Variants in DLG2 observed in about 807,000 individuals in gnomAD.
DLG2 encodes discs large MAGUK scaffold protein 2.
A neutral mutation model predicts 132.5 loss-of-function variants in DLG2; 45 were observed. The observed-to-expected ratio is 0.34, with a 90% CI of 0.27 to 0.44. The LOEUF is 0.44. Ranked by LOEUF, DLG2 falls within the 20% of genes least tolerant of loss-of-function variation. DLG2 has a pLI of 1.00. For missense variants in DLG2, 1,045 were observed against 1,196.9 expected (o/e 0.87, Z 1.87); for synonymous variants, 424 against 419.6 (o/e 1.01, Z -0.13).
chr11:84,980,417 A>G (rs1292744182), intron 6 of DLG2, among the ~76,000 whole-genome samples: 1 of 152,142 alleles, frequency 6.6e-6, no homozygotes, highest in South Asian at 2.1e-4. Context: ...GAAGCTTAAA[A>G]CATTGGAACA....
intron 21 of DLG2, among the ~76,000 whole-genome samples, chr11:83,529,886 T>G (rs1050487216): frequency 6.6e-6 from 1 of 152,050 alleles, no homozygotes; most frequent in African/African-American, 2.4e-5. Context: ...TACCTAATGG[T>G]GTTTAACATG....
At chr11:85,601,396 A>C (rs1489750207) in intron 2 of DLG2, among the ~76,000 whole-genome samples, 1 of 151,626 alleles carries the variant, frequency 6.6e-6, no homozygotes. Context: ...GCTGGAGTGC[A>C]GTGGCGTGAT....
intron 21 of DLG2, among the ~76,000 whole-genome samples, chr11:83,486,679 C>A (rs12294291): frequency 0.51 from 77,410 of 151,926 alleles, 20,120 homozygotes; most frequent in Middle Eastern, 0.57. Flanking sequence ...AAAATACACA[C>A]TAATACTTTA....
intron 3 of DLG2, among the ~76,000 whole-genome samples, chr11:85,579,882 A>G (rs1374255729): frequency 1.3e-5 from 2 of 152,110 alleles, no homozygotes; most frequent in East Asian, 3.9e-4. Context: ...TTTGCTGTGA[A>G]GGGGTTCACA....
chr11:85,302,430 T>C (rs2079644780), intron 3 of DLG2, among the ~76,000 whole-genome samples: 1 of 152,148 alleles, frequency 6.6e-6, no homozygotes, highest in African/African-American at 2.4e-5. Flanking sequence ...CCATCATCTT[T>C]TAGGAAGTGT....
chr11:84,684,492 G>A (rs2099736326), intron 6 of DLG2, among the ~76,000 whole-genome samples: 1 of 152,076 alleles, frequency 6.6e-6, no homozygotes, highest in Non-Finnish European at 1.5e-5. Flanking sequence ...TTGTTGATGG[G>A]CTACCTATGA....
At chr11:85,035,809 G>A (rs1203150863) in intron 6 of DLG2, among the ~76,000 whole-genome samples, 1 of 152,110 alleles carries the variant, frequency 6.6e-6, no homozygotes, top group Non-Finnish European at 1.5e-5. Flanking sequence ...TGTTAGCTTT[G>A]ATTAAGCTAA....
Position 84,882,339 on chromosome 11 carries a change from G to A in DLG2, c.357+229322C>T, listed in dbSNP as rs149827158. Among the ~76,000 whole-genome samples, 132 of 152,148 alleles carry A rather than the reference G, an allele frequency of 8.7e-4. 2 individuals are homozygous for A. The East Asian group carries it at 0.021, about 24-fold the overall frequency. Reference sequence around the variant, plus strand: ...AAGGCAAAAAAGAAAAAAAAATGCCGTGTGAGGACATGTTTATTTTCTTCT... The same window carrying A: ...AAGGCAAAAAAGAAAAAAAAATGCCATGTGAGGACATGTTTATTTTCTTCT... On this transcript the variant is annotated intron_variant, in intron 6 of 27. Coordinates refer to ENST00000376104, the MANE Select transcript of DLG2 (RefSeq NM_001142699.3).
chr11:84,522,050 C>A (rs1420520915), intron 7 of DLG2, among the ~76,000 whole-genome samples: 1 of 152,096 alleles, frequency 6.6e-6, no homozygotes, highest in Non-Finnish European at 1.5e-5. Context: ...TGCCTGTAGT[C>A]CCAGCTACTT....
intron 6 of DLG2, chr11:84,720,146 GC>G (rs1379896816): frequency 2.0e-6 from 1 of 498,754 alleles, no homozygotes; most frequent in Non-Finnish European, 2.6e-6. Context: ...CGATCTCTTG[GC>G]CCCCAAACCC....
At chr11:84,865,713 C>T (rs558495376) in intron 6 of DLG2, among the ~76,000 whole-genome samples, 8 of 152,160 alleles carry the variant, frequency 5.3e-5, no homozygotes, top group African/African-American at 1.4e-4. Context: ...AACAAAGCCC[C>T]GAAAACAATC....
intron 18 of DLG2, among the ~76,000 whole-genome samples, chr11:83,674,759 C>T (rs964931236): frequency 6.6e-6 from 1 of 152,224 alleles, no homozygotes; most frequent in African/African-American, 2.4e-5. Context: ...AGCACTTACT[C>T]ATGCCTGGAT....
At chr11:83,860,886 T>C (rs2061351182) in intron 16 of DLG2, among the ~76,000 whole-genome samples, 1 of 152,196 alleles carries the variant, frequency 6.6e-6, no homozygotes, top group Non-Finnish European at 1.5e-5. Flanking sequence ...TCATGAGATC[T>C]GATGGTTTTA....
chr11:84,583,800 T>G (rs1309411939), intron 6 of DLG2, among the ~76,000 whole-genome samples: 1 of 152,148 alleles, frequency 6.6e-6, no homozygotes, highest in African/African-American at 2.4e-5. Context: ...TTGACCTTCA[T>G]AAAAGTGTTA....
chr11:83,835,551 G>A (rs1595154192), intron 16 of DLG2, among the ~76,000 whole-genome samples: 1 of 152,174 alleles, frequency 6.6e-6, no homozygotes, highest in African/African-American at 2.4e-5. Context: ...TGTTGTCAAA[G>A]AAGAACTAGG....
intron 14 of DLG2, among the ~76,000 whole-genome samples, chr11:83,934,919 G>A (rs756703841): frequency 3.0e-4 from 45 of 152,262 alleles, no homozygotes; most frequent in Non-Finnish European, 5.3e-4. Context: ...CTCTTTTCCC[G>A]AGCCAGAACT....
intron 6 of DLG2, among the ~76,000 whole-genome samples, chr11:84,632,337 T>C (rs1343516040): frequency 6.6e-6 from 1 of 151,580 alleles, no homozygotes; most frequent in African/African-American, 2.4e-5. Flanking sequence ...TCCAAAATAA[T>C]ATATTTAAAA....
chr11:83,501,184 T>G (rs2094435734), intron 21 of DLG2, among the ~76,000 whole-genome samples: 1 of 149,804 alleles, frequency 6.7e-6, no homozygotes, highest in African/African-American at 2.5e-5. Context: ...GATTTCTATT[T>G]TTTTCTGTTT....
intron 6 of DLG2, among the ~76,000 whole-genome samples, chr11:84,862,821 G>GGT (rs1555265825): frequency 7.3e-6 from 1 of 136,090 alleles, no homozygotes; most frequent in African/African-American, 2.6e-5. Context: ...TCCTGTCGGG[G>GGT]GGGGGGGGTG....
Sources: allele counts gnomAD v4.1 joint callset (sites outside exome capture counted in the v4.1 genomes callset), GRCh38; gene constraint gnomAD v4.1.1; transcripts MANE v1.5; gene names NCBI Gene and HGNC (gene_info 2026-07-23, HGNC 2026-07-21).